NOP58: variants seen among roughly 807,000 people sequenced by gnomAD.
The protein encoded by NOP58 is NOP58 ribonucleoprotein.
Under a neutral mutation model 71.2 loss-of-function variants are expected in NOP58, and 44 were observed. The ratio of observed to expected loss-of-function variants is 0.62; its 90% CI spans 0.49 to 0.79. NOP58 has a LOEUF of 0.79. NOP58 is among the 30% of genes least tolerant of loss of function. NOP58 has a pLI of 0.00. For missense variants in NOP58, 538 were observed against 620.2 expected, an observed-to-expected ratio of 0.87 and a Z score of 1.41; for synonymous variants, 228 against 200.3, an observed-to-expected ratio of 1.14 and a Z score of -1.17.
intron 5 of NOP58, among the ~76,000 whole-genome samples, chr2:202,286,872 T>C (rs551115986): frequency 6.6e-6 from 1 of 152,212 alleles, no homozygotes; most frequent in Non-Finnish European, 1.5e-5. Context: ...GGTCCTATAA[T>C]GCACAGGGCA....
chr2:202,273,866 C>T (rs1190726435), intron 1 of NOP58, among the ~76,000 whole-genome samples: 1 of 151,816 alleles, frequency 6.6e-6, no homozygotes, highest in Non-Finnish European at 1.5e-5. Flanking sequence ...TCGCTTGAAC[C>T]CGGGAGGCGG....
chr2:202,277,254 G>A (rs1186065329), intron 2 of NOP58, among the ~76,000 whole-genome samples: 6 of 151,680 alleles, frequency 4.0e-5, no homozygotes, highest in Admixed American at 6.6e-5. Flanking sequence ...GCAGTGAGCC[G>A]AGATTGCGCC....
intron 13 of NOP58, 35 bp from the exon 14 acceptor site, chr2:202,302,886 T>G (rs547552087): frequency 3.2e-6 from 5 of 1,584,264 alleles, no homozygotes; most frequent in Admixed American, 1.8e-5. Flanking sequence ...TGATACAGTG[T>G]TAATTTGTTG....
intron 1 of NOP58, among the ~76,000 whole-genome samples, 199 bp downstream of exon 1, chr2:202,266,185 T>C (rs538246403): frequency 6.6e-5 from 10 of 152,296 alleles, no homozygotes; most frequent in Non-Finnish European, 1.5e-4. Flanking sequence ...AGACCCGTTC[T>C]GCATTAGAGG....
Position 202,295,756 on chromosome 2 carries a change from A to G in NOP58, c.990A>G (p.Lys330=). Residue 330 remains lysine (K), a synonymous_variant, in exon 10 of 15, where the codon AAA becomes AAG. Transcript: ENST00000264279. ...AAAAGGCACTTTTCAGAGCCCTCAA[A>G]TCTAGACGGGATACCCCTAAGTATG... ...GAEKALFRAL[K]SRRDTPKYGL... is the part of the protein sequence containing the mutation. 6.2e-7 allele frequency: 1 copy of G among 1,612,248 alleles called. No individual in the cohort carries two copies. Among genetic ancestry groups the G allele is most frequent in the Non-Finnish European group, 8.5e-7 (1 of 1,179,290 alleles).
At chr2:202,287,459 A>G (rs1688811122) in intron 5 of NOP58, among the ~76,000 whole-genome samples, 1 of 149,370 alleles carries the variant, frequency 6.7e-6, no homozygotes, top group African/African-American at 2.4e-5. Flanking sequence ...CAGCACATAT[A>G]GTTTTTTTTT....
chr2:202,267,586 T>G (rs1030090086), intron 1 of NOP58, among the ~76,000 whole-genome samples: 3 of 152,206 alleles, frequency 2.0e-5, no homozygotes, highest in African/African-American at 4.8e-5. Context: ...TAAATTACCA[T>G]GTAGAGTTCT....
intron 4 of NOP58, among the ~76,000 whole-genome samples, chr2:202,283,599 C>T (rs1321899366): frequency 1.3e-5 from 2 of 151,942 alleles, no homozygotes; most frequent in East Asian, 3.9e-4. Context: ...TGCCACCACA[C>T]CCGGCTAATT....
intron 3 of NOP58, among the ~76,000 whole-genome samples, chr2:202,281,322 C>A (rs960202078): frequency 3.6e-4 from 54 of 151,822 alleles, no homozygotes; most frequent in Non-Finnish European, 1.0e-4. Flanking sequence ...AGTGTTTCGT[C>A]ATGTTAGCCA....
chr2:202,290,379 T>G lies in NOP58; in HGVS notation c.556T>G (p.Trp186Gly), dbSNP rs1471135448. 11 of 1,607,850 alleles carry G rather than the reference T, an allele frequency of 6.8e-6. No homozygotes were observed. The change falls in exon 7 of 15, where the codon TGG becomes GGG. Residue 186 changes from tryptophan (W) to glycine (G), a missense_variant. Physicochemically the swap from Trp to Gly is radical, Grantham distance 184. Transcript: ENST00000264279. ...CAACTACATTATGCGATGTAGAGAA[T>G]GGTATGGCTGGCATTTCCCTGAATT... ...LNNYIMRCRE[W>G]YGWHFPELGK...
At chr2:202,287,966 T>G (rs974834505) in intron 6 of NOP58, among the ~76,000 whole-genome samples, 3 of 151,786 alleles carry the variant, frequency 2.0e-5, no homozygotes, top group Non-Finnish European at 2.9e-5. Flanking sequence ...CAAAAAAAAT[T>G]AAATGTGCAT....
At chr2:202,287,867 T>G (rs1331902443) in intron 6 of NOP58, 143 bp downstream of exon 6, 10 of 615,486 alleles carry the variant, frequency 1.6e-5, no homozygotes, top group South Asian at 4.0e-5. Context: ...ATCCCAGCAC[T>G]TGGGAGGCTG....
chr2:202,294,336 CAA>C (rs1231907557), intron 9 of NOP58, among the ~76,000 whole-genome samples: 38 of 71,428 alleles, frequency 5.3e-4, no homozygotes, highest in African/African-American at 1.3e-3. Context: ...AACTCCATCT[CAA>C]AAAAAAAAAA....
chr2:202,303,016 C>T lies in NOP58; in HGVS notation c.1498C>T (p.Pro500Ser). 6.2e-7 allele frequency: 1 copy of T among 1,612,852 alleles called. No individual in the cohort carries two copies. The stretch of plus-strand genomic sequence containing the variant: ...TAAAAAGAAACACATTAAGGAAGAA[C>T]CACTTTCTGAGGAAGAACCATGTAC... ...RGKKKHIKEE[P>S]LSEEEPCTST... is the part of the protein sequence containing the mutation. The change falls in exon 14 of 15, where the codon CCA (proline) becomes TCA (serine). Residue 500 changes from proline (P) to serine (S), a missense_variant. By Grantham distance (74) the Pro-to-Ser change is moderately conservative (BLOSUM62 -1). Transcript: ENST00000264279.
intron 3 of NOP58, 140 bp from the exon 4 acceptor site, chr2:202,282,211 T>TA (rs1407313791): frequency 2.1e-5 from 14 of 659,172 alleles, no homozygotes; most frequent in Non-Finnish European, 3.5e-5. Context: ...TTATAAAACA[T>TA]ATATCATTTC....
chr2:202,291,068 A>T, intron 7 of NOP58, 57 bp from the exon 8 acceptor site: 1 of 1,435,426 alleles, frequency 7.0e-7, no homozygotes, highest in African/African-American at 1.4e-5. Context: ...TATTTGCTGG[A>T]TTTTATATAA....
intron 5 of NOP58, 21 bp downstream of exon 5, chr2:202,284,502 A>C (rs374252738): frequency 2.1e-5 from 34 of 1,608,974 alleles, no homozygotes; most frequent in Non-Finnish European, 2.9e-5. Context: ...CTGGAAAATA[A>C]AGTCAACTTA....
intron 1 of NOP58, among the ~76,000 whole-genome samples, chr2:202,273,511 A>G (rs1285606156): frequency 2.6e-5 from 4 of 152,270 alleles, no homozygotes; most frequent in Non-Finnish European, 5.9e-5. Flanking sequence ...CTAAGTAGAA[A>G]TAGTATACAA....
intron 3 of NOP58, among the ~76,000 whole-genome samples, chr2:202,281,218 C>G (rs1051830131): frequency 6.9e-4 from 104 of 151,144 alleles, no homozygotes; most frequent in African/African-American, 2.3e-3. Flanking sequence ...ACCTCCACCT[C>G]TGGGTTCAAG....
Sources: gnomAD v4.1 joint callset for allele counts (sites outside exome capture counted in the v4.1 genomes callset) on GRCh38, gnomAD v4.1.1 for gene constraint, MANE v1.5 for transcripts, NCBI Gene and HGNC (gene_info 2026-07-23, HGNC 2026-07-21) for gene names.